The following ZNRF3 variants were observed in gnomAD, a reference collection of about 807,000 sequenced individuals.
ZNRF3 encodes zinc and ring finger 3.
In ZNRF3, 23 loss-of-function variants were observed where a neutral mutation model predicts 72.5. The ratio of observed to expected loss-of-function variants is 0.32; its 90% CI spans 0.23 to 0.45. The LOEUF (loss-of-function observed/expected upper bound fraction) is 0.45, where lower values mean the gene tolerates loss of function less well. Ranked by LOEUF, ZNRF3 falls within the 20% of genes least tolerant of loss-of-function variation. The pLI, the probability that ZNRF3 is intolerant of heterozygous loss-of-function variation, is 1.00. For missense variants in ZNRF3, 1,169 were observed against 1,272.1 expected (o/e 0.92, Z 1.23); for synonymous variants, 610 against 545.3 (o/e 1.12, Z -1.65).
chr22:28,910,225 G>T (rs2034292039), intron 1 of ZNRF3, among the ~76,000 whole-genome samples: 4 of 152,046 alleles, frequency 2.6e-5, no homozygotes, highest in African/African-American at 9.7e-5. Context: ...GTTTTTAGTA[G>T]AGACGGGGTT....
intron 1 of ZNRF3, among the ~76,000 whole-genome samples, chr22:28,900,684 C>A (rs1391801621): frequency 2.0e-5 from 3 of 152,148 alleles, no homozygotes; most frequent in African/African-American, 7.2e-5. Flanking sequence ...AAACCCCACC[C>A]CTTTGAAAAG....
Position 29,053,618 on chromosome 22 carries a change from C to A in ZNRF3, c.2807C>A (p.Ala936Asp), listed in dbSNP as rs780938853. 1.9e-6 allele frequency: 3 copies of A among 1,613,448 alleles called. No homozygotes were observed. In the Admixed American group the frequency reaches 5.0e-5, roughly 27 times the overall value. ...TCAGCAGACAGCAGCAGCCCGGGAG[C>A]CTGAGCTCAGGAGGAACTCTTACCT... ...SHSADSSSPG[A>D] Residue 936 changes from alanine to aspartate, a missense_variant, in exon 9 of 9, where the codon GCC (alanine) becomes GAC (aspartate). This residue lies in a region of ZNRF3 where 783 missense variants were observed against 731.4 expected (regional missense o/e 1.07). Transcript: ENST00000544604.
At chr22:28,931,240 G>T (rs1182338027) in intron 1 of ZNRF3, among the ~76,000 whole-genome samples, 1 of 152,210 alleles carries the variant, frequency 6.6e-6, no homozygotes, top group South Asian at 2.1e-4. Flanking sequence ...CCGTCTGCTA[G>T]TCTTGTCCCA....
chr22:28,972,664 T>G (rs566272952), intron 1 of ZNRF3, among the ~76,000 whole-genome samples: 1 of 152,344 alleles, frequency 6.6e-6, no homozygotes, highest in East Asian at 1.9e-4. Flanking sequence ...ACTCTATGTT[T>G]AAGCCTTTGA....
At chr22:28,984,332 T>C (rs553625914) in intron 1 of ZNRF3, among the ~76,000 whole-genome samples, 15 of 152,306 alleles carry the variant, frequency 9.8e-5, no homozygotes, top group Admixed American at 3.3e-4. Context: ...CTGCTGCCCT[T>C]GGCAACCACT....
chr22:28,965,070 A>G (rs933959362), intron 1 of ZNRF3, among the ~76,000 whole-genome samples: 35 of 152,156 alleles, frequency 2.3e-4, no homozygotes, highest in Non-Finnish European at 3.7e-4. Context: ...GGGCCTGTCA[A>G]AAGAGAAGGG....
intron 1 of ZNRF3, among the ~76,000 whole-genome samples, chr22:28,913,636 T>C (rs573552824): frequency 6.6e-6 from 1 of 152,232 alleles, no homozygotes; most frequent in East Asian, 1.9e-4. Flanking sequence ...TTCTCTATAA[T>C]TGGGTGATGG....
chr22:28,892,903 C>T (rs558382542), intron 1 of ZNRF3, among the ~76,000 whole-genome samples: 97 of 152,280 alleles, frequency 6.4e-4, no homozygotes, highest in Non-Finnish European at 7.4e-4. Context: ...CGCGGTGGCT[C>T]ATGCCTGTAA....
At chr22:28,989,726 A>G (rs2035922390) in intron 2 of ZNRF3, among the ~76,000 whole-genome samples, 1 of 152,118 alleles carries the variant, frequency 6.6e-6, no homozygotes, top group Admixed American at 6.5e-5. Flanking sequence ...AGGCATTCGG[A>G]AAAGCCTGTG....
chr22:29,043,749 G>A (rs1191098380), intron 4 of ZNRF3, among the ~76,000 whole-genome samples: 1 of 152,128 alleles, frequency 6.6e-6, no homozygotes, highest in Admixed American at 6.6e-5. Context: ...AAACTGAGGA[G>A]GATTGAAGGG....
At position 29,030,709 on chromosome 22, in the gene ZNRF3, G is replaced by A. The variant is rs544998150; in HGVS notation, c.427-11786G>A. Among the ~76,000 whole-genome samples, 2 of 151,418 alleles carry A rather than the reference G, an allele frequency of 1.3e-5. No individual in the cohort carries two copies. Among genetic ancestry groups the A allele is most frequent in the East Asian group, 1.9e-4 (1 of 5,172 alleles). On this transcript the variant is annotated intron_variant, in intron 2 of 8. Transcript: ENST00000544604. This position sits in a 1 kb window ranked among gnomAD's most constrained non-coding sequence, Gnocchi z 4.2. ...TCCCGGCCCGCTGGATTGGGGGTTC[G>A]GGGGTGGGGGGAACATAGAGAAGCA... is the stretch of plus-strand genomic sequence containing the variant.
Position 29,030,325 on chromosome 22 carries a change from G to A in ZNRF3, c.427-12170G>A, listed in dbSNP as rs974789321. On this transcript the variant is annotated intron_variant, in intron 2 of 8. Transcript: ENST00000544604. The surrounding 1 kb of genome is among the most constrained non-coding windows in gnomAD (Gnocchi z 4.2). The stretch of plus-strand genomic sequence containing the variant: ...AACCTGTGCAATGGCGCCGCGACCC[G>A]GCCGCGGACTCCAGCCTCTAAAGTC... Among the ~76,000 whole-genome samples, 1 of 152,154 alleles carries A rather than the reference G, an allele frequency of 6.6e-6. No individual in the cohort carries two copies. Among genetic ancestry groups the A allele is most frequent in the African/African-American group, 2.4e-5 (1 of 41,424 alleles).
chr22:28,931,423 G>A (rs1392322658), intron 1 of ZNRF3, among the ~76,000 whole-genome samples: 3 of 152,198 alleles, frequency 2.0e-5, no homozygotes, highest in Non-Finnish European at 2.9e-5. Flanking sequence ...TTTTGGCCCC[G>A]TAGGTGAAGA....
chr22:28,961,763 G>A (rs1394502239), intron 1 of ZNRF3, among the ~76,000 whole-genome samples: 1 of 152,162 alleles, frequency 6.6e-6, no homozygotes, highest in Non-Finnish European at 1.5e-5. Flanking sequence ...GAAATTAATG[G>A]CAGCCTGAGC....
In ZNRF3 at chr22:29,049,652, G is replaced by C. The variant is rs760162856; in HGVS notation, c.1471G>C (p.Ala491Pro). 1 of 1,609,534 alleles carries C rather than the reference G, an allele frequency of 6.2e-7. No homozygotes were observed. The highest frequency in any genetic ancestry group is 8.5e-7 in the Non-Finnish European group (1 of 1,179,394). ...EQEGQSPPSL[A>P]PRGPARAFPP... The stretch of plus-strand genomic sequence containing the variant: ...GGAGGGGCAGTCCCCACCTAGCCTC[G>C]CACCCCGGGGCCCGGCCCGTGCCTT... Residue 491 changes from alanine (A) to proline (P), a missense_variant, in exon 8 of 9, where the codon GCA becomes CCA. Ala to Pro is a conservative substitution (Grantham distance 27). This residue lies in a region of ZNRF3 where 783 missense variants were observed against 731.4 expected (regional missense o/e 1.07). Coordinates refer to ENST00000544604, the MANE Select transcript of ZNRF3 (RefSeq NM_001206998.2). The surrounding 1 kb of genome is among the most constrained non-coding windows in gnomAD (Gnocchi z 5.2).
At chr22:29,046,468 G>A (rs2037072184) in intron 5 of ZNRF3, among the ~76,000 whole-genome samples, 1 of 152,176 alleles carries the variant, frequency 6.6e-6, no homozygotes, top group Non-Finnish European at 1.5e-5. Flanking sequence ...GGAGACCCCT[G>A]CCTTCAAATC....
intron 1 of ZNRF3, among the ~76,000 whole-genome samples, chr22:28,976,290 G>T (rs1012537111): frequency 6.6e-6 from 1 of 152,174 alleles, no homozygotes; most frequent in South Asian, 2.1e-4. Flanking sequence ...GCAGAGGTGG[G>T]TGGGTTACTT....
chr22:28,905,425 G>A (rs1295704347), intron 1 of ZNRF3, among the ~76,000 whole-genome samples: 1 of 152,186 alleles, frequency 6.6e-6, no homozygotes. Context: ...GTTTGGCTCT[G>A]TTAGACTTCT....
At chr22:28,980,994 A>C (rs937539905) in intron 1 of ZNRF3, among the ~76,000 whole-genome samples, 10 of 152,260 alleles carry the variant, frequency 6.6e-5, no homozygotes, top group Middle Eastern at 3.2e-3. Flanking sequence ...ATATTTTAAG[A>C]AAATAAACTC....
Sources: gnomAD v4.1 joint callset for allele counts (sites outside exome capture counted in the v4.1 genomes callset) on GRCh38, gnomAD v4.1.1 for gene constraint, gnomAD v4.1.1 regional missense constraint, Gnocchi (gnomAD v3.1) non-coding constraint, MANE v1.5 for transcripts, NCBI Gene and HGNC (gene_info 2026-07-23, HGNC 2026-07-21) for gene names.